Variants in PCSK2 observed in about 807,000 individuals in gnomAD.
The protein encoded by PCSK2 is proprotein convertase subtilisin/kexin type 2.
Under a neutral mutation model 69.7 loss-of-function variants are expected in PCSK2, and 14 were observed. The observed-to-expected ratio is 0.20, with a 90% CI of 0.13 to 0.31. The LOEUF (loss-of-function observed/expected upper bound fraction) is 0.31, where lower values mean the gene tolerates loss of function less well. PCSK2 is among the 10% of genes least tolerant of loss of function. The pLI is 1.00. For synonymous variants in PCSK2, 307 were observed against 320.7 expected (o/e 0.96, Z 0.46); for missense variants, 544 against 842.5 (o/e 0.65, Z 4.39).
At chr20:17,370,130 T>C (rs1279582258) in intron 5 of PCSK2, among the ~76,000 whole-genome samples, 1 of 152,206 alleles carries the variant, frequency 6.6e-6, no homozygotes, top group South Asian at 2.1e-4. Flanking sequence ...GATTCAAGCA[T>C]TGGTGCGTTC....
intron 11 of PCSK2, among the ~76,000 whole-genome samples, chr20:17,473,008 C>T (rs1279021791): frequency 6.6e-6 from 1 of 151,886 alleles, no homozygotes; most frequent in Admixed American, 6.6e-5. Flanking sequence ...CAAGCCACCC[C>T]GACAACCCCA....
intron 8 of PCSK2, among the ~76,000 whole-genome samples, chr20:17,442,282 GGGTT>G (rs2032614288): frequency 6.6e-6 from 1 of 151,730 alleles, no homozygotes; most frequent in African/African-American, 2.4e-5. Context: ...AGTGTCAGCA[GGGTT>G]GGCTGACACT....
At chr20:17,338,435 T>C (rs1185635371) in intron 2 of PCSK2, among the ~76,000 whole-genome samples, 1 of 152,040 alleles carries the variant, frequency 6.6e-6, no homozygotes, top group African/African-American at 2.4e-5. Flanking sequence ...GACCTTTTGA[T>C]CCACCCATGT....
chr20:17,235,764 T>A (rs1986315127), intron 1 of PCSK2, among the ~76,000 whole-genome samples: 1 of 152,140 alleles, frequency 6.6e-6, no homozygotes, highest in South Asian at 2.1e-4. Flanking sequence ...GACAATTGAA[T>A]ATCTTTCCTC....
chr20:17,287,427 G>A lies in PCSK2; in HGVS notation c.282+27083G>A, dbSNP rs1047049544. ...TCAGGGATCTTGCACCAGCATGTGC[G>A]TGTCTGTGTGTGTGTGTGTGTGTGT... On this transcript the variant is annotated intron_variant, in intron 2 of 11. Transcript: ENST00000262545. 5.7e-5 allele frequency among the ~76,000 whole-genome samples: 7 copies of A among 123,690 alleles called. No individual in the cohort carries two copies. The East Asian group carries it at 7.6e-4, about 13-fold the overall frequency. The allele number at this position is 123,690 out of a possible 152,430, so 81.1% of individuals were successfully genotyped here. A position where few individuals can be genotyped will look rare whatever the true frequency, so the allele number is the denominator to read the frequency against.
At chr20:17,428,320 A>C (rs1437717857) in intron 6 of PCSK2, among the ~76,000 whole-genome samples, 1 of 152,182 alleles carries the variant, frequency 6.6e-6, no homozygotes, top group Non-Finnish European at 1.5e-5. Context: ...GGCGGGTTTC[A>C]TTCTTGTTCC....
rs58508384 is a variant in PCSK2 at position 17,295,213 on chromosome 20, AACACACACACAC to A, written c.282+34890_282+34901del. 8.2e-5 allele frequency among the ~76,000 whole-genome samples: 12 copies of A among 146,280 alleles called. No individual in the cohort carries two copies. In the East Asian group the frequency reaches 1.4e-3, roughly 17 times the overall value. ...GTGAGGTCTGCATTTATACGCAGTT[AACACACACACAC>A]ACACACACACACACACACACCTCTC... is the stretch of plus-strand genomic sequence containing the variant. On this transcript the variant is annotated intron_variant, in intron 2 of 11. Transcript: ENST00000262545.
chr20:17,373,876 T>C (rs2030847981), intron 5 of PCSK2, among the ~76,000 whole-genome samples: 1 of 152,216 alleles, frequency 6.6e-6, no homozygotes, highest in East Asian at 1.9e-4. Context: ...TGCTGAGTGT[T>C]GGGAGTAAAG....
chr20:17,408,876 T>C (rs770563370), intron 5 of PCSK2, among the ~76,000 whole-genome samples: 1 of 152,168 alleles, frequency 6.6e-6, no homozygotes, highest in African/African-American at 2.4e-5. Flanking sequence ...TCACTTGTGA[T>C]GTGAGAACTA....
intron 7 of PCSK2, among the ~76,000 whole-genome samples, chr20:17,432,600 ATCT>A (rs1414818732): frequency 6.6e-6 from 1 of 152,234 alleles, no homozygotes; most frequent in Admixed American, 6.5e-5. Context: ...AGTAAACAAC[ATCT>A]TCAATCAAAA....
intron 1 of PCSK2, 38 bp downstream of exon 1, chr20:17,227,520 C>G: frequency 2.0e-6 from 3 of 1,492,874 alleles, no homozygotes; most frequent in African/African-American, 1.4e-5. Flanking sequence ...TGTTTCAAAA[C>G]GGGGGGACGG....
At chr20:17,323,665 T>G (rs1031406454) in intron 2 of PCSK2, among the ~76,000 whole-genome samples, 1 of 152,214 alleles carries the variant, frequency 6.6e-6, no homozygotes, top group African/African-American at 2.4e-5. Context: ...AGAAAGTAAC[T>G]AAAGCTTTGT....
intron 2 of PCSK2, among the ~76,000 whole-genome samples, chr20:17,297,641 A>T (rs1988940332): frequency 1.3e-5 from 2 of 152,190 alleles, no homozygotes; most frequent in African/African-American, 4.8e-5. Context: ...ATATACTTTG[A>T]CAGGATATTA....
intron 2 of PCSK2, among the ~76,000 whole-genome samples, chr20:17,269,172 T>C (rs898651461): frequency 1.3e-5 from 2 of 152,110 alleles, no homozygotes; most frequent in African/African-American, 4.8e-5. Context: ...GACTTAAGGA[T>C]CTAGGAGAGA....
At chr20:17,397,138 T>G (rs1219867983) in intron 5 of PCSK2, among the ~76,000 whole-genome samples, 1 of 152,362 alleles carries the variant, frequency 6.6e-6, no homozygotes, top group Non-Finnish European at 1.5e-5. Context: ...AACTTTTATT[T>G]GTCTATATCA....
intron 2 of PCSK2, among the ~76,000 whole-genome samples, chr20:17,268,308 A>G (rs1464984172): frequency 2.0e-5 from 3 of 152,072 alleles, no homozygotes; most frequent in Admixed American, 2.0e-4. Context: ...GAAACAAAAA[A>G]CAGATGACCA....
In PCSK2 at chr20:17,453,095, T is replaced by C. The variant is rs2032856796; in HGVS notation, c.886-647T>C. ...ATATATTATGTGTTTAAAAGGATTC[T>C]AGTATCCAATTGAATAAAAAAGAAT... On this transcript the variant is annotated intron_variant, in intron 8 of 11. Transcript: ENST00000262545. The surrounding 1 kb of genome is among the most constrained non-coding windows in gnomAD (Gnocchi z 4.0). Among the ~76,000 whole-genome samples, 1 of 152,230 alleles carries C rather than the reference T, an allele frequency of 6.6e-6. No homozygotes were observed. Among genetic ancestry groups the C allele is most frequent in the Non-Finnish European group, 1.5e-5 (1 of 68,046 alleles).
chr20:17,414,663 G>T (rs1489307406), intron 6 of PCSK2, among the ~76,000 whole-genome samples: 1 of 152,150 alleles, frequency 6.6e-6, no homozygotes, highest in Admixed American at 6.6e-5. Context: ...GAAAAAGAGG[G>T]AATCCTCCCT....
At chr20:17,305,821 A>T (rs1421212427) in intron 2 of PCSK2, among the ~76,000 whole-genome samples, 4 of 152,264 alleles carry the variant, frequency 2.6e-5, no homozygotes, top group Non-Finnish European at 5.9e-5. Context: ...AAGCTTTATC[A>T]ATTCACTGAA....
Sources: gnomAD v4.1 joint callset for allele counts (sites outside exome capture counted in the v4.1 genomes callset) on GRCh38, gnomAD v4.1.1 for gene constraint, Gnocchi (gnomAD v3.1) non-coding constraint, MANE v1.5 for transcripts, NCBI Gene and HGNC (gene_info 2026-07-23, HGNC 2026-07-21) for gene names.